AKAP6: variants seen among roughly 807,000 people sequenced by gnomAD.
AKAP6 encodes A-kinase anchoring protein 6.
In AKAP6, 58 loss-of-function variants were observed where a neutral mutation model predicts 188.5. The observed-to-expected ratio is 0.31, with a 90% CI of 0.25 to 0.38. AKAP6 has a LOEUF of 0.38. AKAP6 is among the 10% of genes least tolerant of loss of function. The pLI is 1.00. For missense variants in AKAP6, 2,710 were observed against 2,740.0 expected (o/e 0.99, Z 0.24); for synonymous variants, 989 against 998.6 (o/e 0.99, Z 0.18).
At chr14:32,602,515 T>C (rs559726270) in intron 7 of AKAP6, among the ~76,000 whole-genome samples, 1 of 152,070 alleles carries the variant, frequency 6.6e-6, no homozygotes, top group Admixed American at 6.6e-5. Context: ...GTCAAAAATC[T>C]TAATTTTAGC....
intron 7 of AKAP6, among the ~76,000 whole-genome samples, chr14:32,662,650 T>C (rs1888752460): frequency 6.6e-6 from 1 of 152,140 alleles, no homozygotes; most frequent in African/African-American, 2.4e-5. Context: ...ATCCACTGTT[T>C]GTGATGCTAA....
intron 2 of AKAP6, among the ~76,000 whole-genome samples, chr14:32,504,928 G>A (rs150937244): frequency 5.8e-4 from 88 of 152,312 alleles, no homozygotes; most frequent in African/African-American, 1.8e-3. Flanking sequence ...TCTGAAATCA[G>A]ACAGGAAAGC....
intron 7 of AKAP6, among the ~76,000 whole-genome samples, chr14:32,606,145 T>G (rs757695667): frequency 6.6e-6 from 1 of 152,194 alleles, no homozygotes; most frequent in Non-Finnish European, 1.5e-5. Flanking sequence ...GTTCTAGAAA[T>G]AGAGCTTCAG....
intron 5 of AKAP6, among the ~76,000 whole-genome samples, chr14:32,581,019 G>A (rs1330063798): frequency 6.6e-6 from 1 of 152,156 alleles, no homozygotes. Flanking sequence ...ACATACGTGT[G>A]CATGTGTCTT....
At chr14:32,377,649 T>G (rs761370721) in intron 1 of AKAP6, among the ~76,000 whole-genome samples, 1 of 152,178 alleles carries the variant, frequency 6.6e-6, no homozygotes, top group African/African-American at 2.4e-5. Flanking sequence ...TACACAGACA[T>G]CAGCCACACC....
intron 7 of AKAP6, among the ~76,000 whole-genome samples, chr14:32,635,793 A>C (rs558765258): frequency 6.6e-6 from 1 of 152,154 alleles, no homozygotes; most frequent in South Asian, 2.1e-4. Flanking sequence ...TTTTAAAAGT[A>C]TGAATCTATG....
At chr14:32,440,552 CATAACAGTTTGATAGTG>C (rs1890540265) in intron 2 of AKAP6, among the ~76,000 whole-genome samples, 1 of 152,020 alleles carries the variant, frequency 6.6e-6, no homozygotes, top group South Asian at 2.1e-4. Context: ...GAATCAACGC[CATAACAGTTTGATAGTG>C]ACTGCTTTAG....
intron 12 of AKAP6, among the ~76,000 whole-genome samples, chr14:32,816,757 A>G (rs1332198194): frequency 6.6e-6 from 1 of 152,104 alleles, no homozygotes; most frequent in Admixed American, 6.6e-5. Context: ...ACCTTTATTC[A>G]ATTACAGTTA....
At chr14:32,628,644 A>G (rs1566613698) in intron 7 of AKAP6, among the ~76,000 whole-genome samples, 1 of 151,928 alleles carries the variant, frequency 6.6e-6, no homozygotes. Context: ...ATTTGCACGC[A>G]TTTGCCAGGC....
At chr14:32,366,475 TG>T (rs1305616916) in intron 1 of AKAP6, among the ~76,000 whole-genome samples, 1 of 152,144 alleles carries the variant, frequency 6.6e-6, no homozygotes, top group African/African-American at 2.4e-5. Context: ...GGATGAGTTG[TG>T]GGGGAAGTCT....
chr14:32,703,340 A>G (rs1890690867), intron 9 of AKAP6, among the ~76,000 whole-genome samples: 1 of 152,186 alleles, frequency 6.6e-6, no homozygotes, highest in South Asian at 2.1e-4. Context: ...ACGCTTACTT[A>G]GATGATATGA....
At chr14:32,516,610 A>C (rs925212619) in intron 2 of AKAP6, among the ~76,000 whole-genome samples, 3 of 152,218 alleles carry the variant, frequency 2.0e-5, no homozygotes, top group Non-Finnish European at 4.4e-5. Context: ...AATAAAACGA[A>C]AAGTAAGTAT....
chr14:32,790,126 C>G (rs1020512843), intron 12 of AKAP6, among the ~76,000 whole-genome samples: 5 of 152,008 alleles, frequency 3.3e-5, no homozygotes, highest in African/African-American at 1.2e-4. Flanking sequence ...AATCTCAGAG[C>G]CTGAAGACTA....
At chr14:32,694,760 G>T (rs1346298244) in intron 8 of AKAP6, among the ~76,000 whole-genome samples, 1 of 148,668 alleles carries the variant, frequency 6.7e-6, no homozygotes, top group Non-Finnish European at 1.5e-5. Context: ...TAAGTTTTTT[G>T]ACAGATCTAT....
At chr14:32,565,854 G>A (rs181180235) in intron 4 of AKAP6, among the ~76,000 whole-genome samples, 16 of 152,260 alleles carry the variant, frequency 1.1e-4, no homozygotes, top group African/African-American at 3.6e-4. Flanking sequence ...CTTCATTTTA[G>A]GAATGCCATT....
At position 32,510,392 on chromosome 14, in the gene AKAP6, GTGTATATATA is replaced by G. The variant is rs1158723670; in HGVS notation, c.325-25140_325-25131del. Among the ~76,000 whole-genome samples the G allele has an allele frequency of 2.1e-3, 74 of 36,064 alleles. 2 individuals are homozygous for G. The East Asian group carries it at 0.047, about 23-fold the overall frequency. 23.7% of individuals were successfully genotyped at this position (36,064 alleles called of 152,430 possible). On this transcript the variant is annotated intron_variant, in intron 2 of 13. Transcript: ENST00000280979. ...TGTATATATATGTGTATATATATAT[GTGTATATATA>G]TGTATATATATGTATATATATACAT...
chr14:32,639,725 G>A (rs956624188), intron 7 of AKAP6, among the ~76,000 whole-genome samples: 14 of 152,166 alleles, frequency 9.2e-5, no homozygotes, highest in African/African-American at 2.9e-4. Flanking sequence ...AGGGAGGTTA[G>A]GCAAGTGTTC....
chr14:32,597,649 A>T lies in AKAP6; in HGVS notation c.2470-1761A>T, dbSNP rs144640440. Among the ~76,000 whole-genome samples, 50 of 152,356 alleles carry T rather than the reference A, an allele frequency of 3.3e-4. No homozygotes were observed. The East Asian group carries it at 8.7e-3, about 26-fold the overall frequency. On this transcript the variant is annotated intron_variant, in intron 5 of 13. Coordinates refer to ENST00000280979, the MANE Select transcript of AKAP6 (RefSeq NM_004274.5). ...CAGATACCTGTGGCTAAAAGAGGAC[A>T]GTACAAGAAATAGTGAACAGCCTTG... is the stretch of plus-strand genomic sequence containing the variant.
chr14:32,638,940 T>C (rs1887639549), intron 7 of AKAP6, among the ~76,000 whole-genome samples: 1 of 152,184 alleles, frequency 6.6e-6, no homozygotes, highest in South Asian at 2.1e-4. Context: ...AAACAAAGAA[T>C]ATGAAATGCT....
Sources: allele counts gnomAD v4.1 joint callset (sites outside exome capture counted in the v4.1 genomes callset), GRCh38; gene constraint gnomAD v4.1.1; transcripts MANE v1.5; gene names NCBI Gene and HGNC (gene_info 2026-07-23, HGNC 2026-07-21).